TEC: variants seen among roughly 807,000 people sequenced by gnomAD.
TEC encodes the protein tec protein tyrosine kinase, also known as tyrosine-protein kinase Tec.
Under a neutral mutation model 93.0 loss-of-function variants are expected in TEC, and 72 were observed. The observed-to-expected ratio is 0.77, with a 90% CI of 0.64 to 0.94. The LOEUF is 0.94. TEC is among the 40% of genes least tolerant of loss of function. TEC has a pLI of 0.00. For synonymous variants in TEC, 249 were observed against 247.7 expected, an observed-to-expected ratio of 1.01 and a Z score of -0.05; for missense variants, 630 against 757.9, an observed-to-expected ratio of 0.83 and a Z score of 1.98.
chr4:48,238,437 T>C (rs1311794852), intron 1 of TEC, among the ~76,000 whole-genome samples: 1 of 152,092 alleles, frequency 6.6e-6, no homozygotes, highest in Non-Finnish European at 1.5e-5. Context: ...ATCAATAGCA[T>C]CTAAAGAGAG....
chr4:48,215,048 G>C (rs571784589), intron 2 of TEC, among the ~76,000 whole-genome samples: 1 of 152,022 alleles, frequency 6.6e-6, no homozygotes. Flanking sequence ...AGCTACGTGG[G>C]AGGCTGAGGC....
intron 11 of TEC, among the ~76,000 whole-genome samples, chr4:48,147,063 G>T (rs1350970124): frequency 6.6e-6 from 1 of 152,142 alleles, no homozygotes; most frequent in East Asian, 1.9e-4. Flanking sequence ...TCTGTTTCTG[G>T]CATGCAGTAG....
chr4:48,185,666 C>T (rs1311741059), intron 2 of TEC, among the ~76,000 whole-genome samples: 1 of 152,074 alleles, frequency 6.6e-6, no homozygotes, highest in African/African-American at 2.4e-5. Flanking sequence ...TATATATAAG[C>T]ATGGCATAAT....
chr4:48,151,544 TG>T (rs765158652), intron 9 of TEC, among the ~76,000 whole-genome samples: 18 of 152,316 alleles, frequency 1.2e-4, no homozygotes, highest in South Asian at 2.1e-4. Flanking sequence ...TGGAGTGCAG[TG>T]GTGCGATCTC....
rs1261348283 is a variant in TEC at position 48,176,073 on chromosome 4, C to T, written c.243+9G>A. On this transcript the variant is annotated intron_variant, in intron 3 of 17. Coordinates refer to ENST00000381501, the MANE Select transcript of TEC (RefSeq NM_003215.3). The stretch of plus-strand genomic sequence containing the variant: ...AGCACTGCACTGCCACAAAAATACA[C>T]CAGCTCACCTGAAATGGATACTTAT... 1 of 1,607,004 alleles carries T rather than the reference C, an allele frequency of 6.2e-7. No individual in the cohort carries two copies. The highest frequency in any genetic ancestry group is 2.2e-5 in the East Asian group (1 of 44,864).
chr4:48,243,493 C>T (rs17574819), intron 1 of TEC, among the ~76,000 whole-genome samples: 22,686 of 152,216 alleles, frequency 0.15, 2,047 homozygotes, highest in Non-Finnish European at 0.2. Flanking sequence ...AGCAATTGGT[C>T]AGTTGGTCAT....
intron 1 of TEC, among the ~76,000 whole-genome samples, chr4:48,230,309 T>C (rs957179545): frequency 3.3e-5 from 5 of 152,132 alleles, no homozygotes; most frequent in African/African-American, 1.2e-4. Flanking sequence ...CCATTTTCTA[T>C]AAGGTTCCTT....
chr4:48,246,188 T>TA (rs200805140), intron 1 of TEC, among the ~76,000 whole-genome samples: 1,531 of 150,370 alleles, frequency 0.01, 12 homozygotes, highest in Middle Eastern at 0.027. Context: ...CATGTTTCAA[T>TA]AAAAAAAAAT....
At chr4:48,138,123 C>G (rs1161095602) in intron 17 of TEC, among the ~76,000 whole-genome samples, 3 of 152,202 alleles carry the variant, frequency 2.0e-5, no homozygotes, top group Non-Finnish European at 2.9e-5. Context: ...AGAGTGGCTA[C>G]AGTCAAAGTA....
intron 1 of TEC, among the ~76,000 whole-genome samples, chr4:48,229,355 C>G (rs6850058): frequency 0.16 from 24,297 of 152,260 alleles, 2,150 homozygotes; most frequent in Non-Finnish European, 0.2. Context: ...CTATTCATAC[C>G]TAGACTGAGC....
chr4:48,146,280 C>A (rs748305261), intron 12 of TEC, 45 bp downstream of exon 12: 1 of 1,571,480 alleles, frequency 6.4e-7, no homozygotes, highest in African/African-American at 1.4e-5. Context: ...ACAATGGATT[C>A]TTTTCAAGGA....
chr4:48,162,136 A>G (rs751648039), intron 8 of TEC, among the ~76,000 whole-genome samples: 2 of 152,208 alleles, frequency 1.3e-5, no homozygotes, highest in Non-Finnish European at 2.9e-5. Context: ...ACAAAACAGA[A>G]CATGGAGTAG....
chr4:48,160,972 A>G (rs1374235634), intron 8 of TEC, among the ~76,000 whole-genome samples: 1 of 151,948 alleles, frequency 6.6e-6, no homozygotes, highest in Non-Finnish European at 1.5e-5. Flanking sequence ...GGAACTATAC[A>G]TCTAGAAATT....
chr4:48,216,289 C>T (rs7687704), intron 2 of TEC, among the ~76,000 whole-genome samples: 35,429 of 151,516 alleles, frequency 0.23, 5,150 homozygotes, highest in Non-Finnish European at 0.32. Context: ...ATACTCTTGC[C>T]ACCAAGGATT....
chr4:48,178,814 C>G (rs1014927489), intron 2 of TEC, among the ~76,000 whole-genome samples: 3 of 152,326 alleles, frequency 2.0e-5, no homozygotes, highest in Admixed American at 1.3e-4. Flanking sequence ...TCACCTGCTG[C>G]TACTCTAACC....
intron 1 of TEC, among the ~76,000 whole-genome samples, chr4:48,252,886 C>T (rs1724240439): frequency 6.6e-6 from 1 of 152,196 alleles, no homozygotes; most frequent in African/African-American, 2.4e-5. Context: ...CCATAGCACA[C>T]ATTTACTGCA....
At chr4:48,146,268 T>C in intron 12 of TEC, 57 bp downstream of exon 12, 1 of 1,524,386 alleles carries the variant, frequency 6.6e-7, no homozygotes, top group Non-Finnish European at 9.1e-7. Flanking sequence ...ATTTATCTTA[T>C]GACAATGGAT....
intron 2 of TEC, among the ~76,000 whole-genome samples, chr4:48,178,347 C>T (rs1191360903): frequency 6.6e-6 from 1 of 152,176 alleles, no homozygotes; most frequent in African/African-American, 2.4e-5. Flanking sequence ...CAAGAAAATG[C>T]TAAGATTTTA....
chr4:48,167,288 CAT>C (rs138124370), intron 7 of TEC, among the ~76,000 whole-genome samples: 1,546 of 151,620 alleles, frequency 0.01, 32 homozygotes, highest in African/African-American at 0.035. Flanking sequence ...CACACATATA[CAT>C]ATATATATAT....
Sources: gnomAD v4.1 joint callset for allele counts (sites outside exome capture counted in the v4.1 genomes callset) on GRCh38, gnomAD v4.1.1 for gene constraint, MANE v1.5 for transcripts, NCBI Gene and HGNC (gene_info 2026-07-23, HGNC 2026-07-21) for gene names.